SPON1: variants seen among roughly 807,000 people sequenced by gnomAD.
The protein encoded by SPON1 is spondin-1.
A neutral mutation model predicts 111.7 loss-of-function variants in SPON1; 52 were observed. The ratio of observed to expected loss-of-function variants is 0.47; its 90% CI spans 0.37 to 0.59. SPON1 has a LOEUF of 0.59. Among genes scored for constraint, SPON1 ranks in the 20% least tolerant of loss-of-function variants. SPON1 has a pLI of 0.00. For synonymous variants in SPON1, 410 were observed against 395.8 expected (o/e 1.04, Z -0.43); for missense variants, 957 against 1,068.5 (o/e 0.90, Z 1.46).
At chr11:13,965,465 A>T (rs1848009088) in intron 1 of SPON1, among the ~76,000 whole-genome samples, 1 of 152,156 alleles carries the variant, frequency 6.6e-6, no homozygotes, top group Non-Finnish European at 1.5e-5. Flanking sequence ...ACGGGGCCAA[A>T]GAGGTTTCAG....
chr11:13,996,365 G>A (rs1167082085), intron 2 of SPON1, among the ~76,000 whole-genome samples: 1 of 152,198 alleles, frequency 6.6e-6, no homozygotes, highest in African/African-American at 2.4e-5. Flanking sequence ...TCATTTGTAA[G>A]AAGCACAAGA....
chr11:14,024,809 C>T (rs908280468), intron 2 of SPON1, among the ~76,000 whole-genome samples: 3 of 152,244 alleles, frequency 2.0e-5, no homozygotes, highest in Non-Finnish European at 4.4e-5. Flanking sequence ...TGCCCTACTT[C>T]CGCATCACTG....
chr11:14,190,768 G>C (rs1044578766), intron 6 of SPON1, among the ~76,000 whole-genome samples: 1 of 151,264 alleles, frequency 6.6e-6, no homozygotes, highest in African/African-American at 2.4e-5. Context: ...AGTGCCCCGA[G>C]TAGCTAGGAT....
At chr11:14,056,760 G>A (rs544716838) in intron 3 of SPON1, among the ~76,000 whole-genome samples, 31 of 152,132 alleles carry the variant, frequency 2.0e-4, no homozygotes, top group Non-Finnish European at 3.4e-4. Flanking sequence ...GCGTGGTGGC[G>A]GGCATCTGTA....
At chr11:14,262,485 G>A in intron 14 of SPON1, 4 of 592,530 alleles carry the variant, frequency 6.8e-6, no homozygotes, top group Non-Finnish European at 1.2e-5. Flanking sequence ...CATAGAGGGA[G>A]CATAGAATGG....
chr11:14,097,888 A>T (rs912436233), intron 5 of SPON1, among the ~76,000 whole-genome samples: 10 of 151,882 alleles, frequency 6.6e-5, no homozygotes, highest in Non-Finnish European at 1.0e-4. Context: ...GTGGTCTCCC[A>T]CTTGTTCACT....
At chr11:14,062,097 T>C (rs1162130093) in intron 3 of SPON1, among the ~76,000 whole-genome samples, 1 of 150,318 alleles carries the variant, frequency 6.7e-6, no homozygotes, top group Admixed American at 6.6e-5. Flanking sequence ...TCTAGACAAT[T>C]GTCCATTGCT....
At position 14,224,464 on chromosome 11, in the gene SPON1, G is replaced by A. The variant is rs534018645; in HGVS notation, c.826-18868G>A. Among the ~76,000 whole-genome samples the A allele has an allele frequency of 9.2e-5, 14 of 152,244 alleles. No homozygotes were observed. The South Asian group carries it at 2.1e-3, about 23-fold the overall frequency. Reference sequence around the variant, plus strand: ...AAAAAAAACAAAAGCTATGTGGTTCGGGAAACTGCAAGTAGAATATCTTTG... The same window carrying A: ...AAAAAAAACAAAAGCTATGTGGTTCAGGAAACTGCAAGTAGAATATCTTTG... On this transcript the variant is annotated intron_variant, in intron 6 of 15. Coordinates refer to ENST00000576479, the MANE Select transcript of SPON1 (RefSeq NM_006108.4).
chr11:14,244,354 C>T (rs1848963932), intron 7 of SPON1, among the ~76,000 whole-genome samples: 1 of 152,040 alleles, frequency 6.6e-6, no homozygotes, highest in Non-Finnish European at 1.5e-5. Context: ...TCAGTCTCTA[C>T]TAAAAATACA....
intron 6 of SPON1, among the ~76,000 whole-genome samples, chr11:14,139,933 C>T (rs1298623038): frequency 6.6e-6 from 1 of 152,022 alleles, no homozygotes; most frequent in Non-Finnish European, 1.5e-5. Context: ...ACTTATTGTG[C>T]TTAGAACTAA....
intron 1 of SPON1, among the ~76,000 whole-genome samples, chr11:13,982,317 CCATGACTTCCACTGG>C (rs1848150808): frequency 6.6e-6 from 1 of 152,232 alleles, no homozygotes; most frequent in South Asian, 2.1e-4. Flanking sequence ...TCATGTCTGT[CCATGACTTCCACTGG>C]CAGAACTTGG....
At chr11:14,154,122 G>C (rs1847815459) in intron 6 of SPON1, among the ~76,000 whole-genome samples, 1 of 152,150 alleles carries the variant, frequency 6.6e-6, no homozygotes, top group Non-Finnish European at 1.5e-5. Flanking sequence ...GGCACATGGT[G>C]CAAGCTGTTG....
At chr11:14,084,740 G>A (rs1317259865) in intron 5 of SPON1, among the ~76,000 whole-genome samples, 5 of 152,156 alleles carry the variant, frequency 3.3e-5, no homozygotes, top group Non-Finnish European at 5.9e-5. Flanking sequence ...TTCCACAATG[G>A]TTGAACTAAT....
intron 6 of SPON1, among the ~76,000 whole-genome samples, chr11:14,213,607 C>A (rs1554936918): frequency 2.6e-5 from 4 of 152,128 alleles, no homozygotes; most frequent in Admixed American, 2.6e-4. Context: ...AAAGCACTTT[C>A]TATGTACAAA....
At chr11:14,143,834 A>G (rs1359326812) in intron 6 of SPON1, among the ~76,000 whole-genome samples, 1 of 152,206 alleles carries the variant, frequency 6.6e-6, no homozygotes, top group African/African-American at 2.4e-5. Flanking sequence ...TGGTTTAGCA[A>G]TTGAGGTGGG....
intron 2 of SPON1, among the ~76,000 whole-genome samples, chr11:14,024,226 T>G (rs1848501324): frequency 6.6e-6 from 1 of 152,138 alleles, no homozygotes; most frequent in Non-Finnish European, 1.5e-5. Context: ...CCAGTGGGTG[T>G]GTGTTACAGT....
chr11:13,968,925 A>G (rs1848040696), intron 1 of SPON1, among the ~76,000 whole-genome samples: 1 of 152,232 alleles, frequency 6.6e-6, no homozygotes, highest in Non-Finnish European at 1.5e-5. Context: ...TTTATTTTTC[A>G]AAAAGATGAA....
intron 7 of SPON1, among the ~76,000 whole-genome samples, chr11:14,248,181 A>G (rs1402471170): frequency 2.6e-5 from 4 of 152,160 alleles, no homozygotes; most frequent in African/African-American, 7.2e-5. Context: ...ATCGACAGGA[A>G]GGTCATCAGT....
rs1274574403 is a variant in SPON1 at position 14,254,395 on chromosome 11, C to T, written c.891-133C>T. 5.1e-5 allele frequency: 41 copies of T among 804,274 alleles called. No homozygotes were observed. The East Asian group carries it at 1.0e-3, about 20-fold the overall frequency. 49.8% of individuals were successfully genotyped at this position (804,274 alleles called of 1,614,324 possible). On this transcript the variant is annotated intron_variant, in intron 7 of 15. Coordinates refer to ENST00000576479, the MANE Select transcript of SPON1 (RefSeq NM_006108.4). ...GGTATAAACCCACAGTGGCCAAAGG[C>T]AGAATTCAGTGGGAGACCACGAATG... is the stretch of plus-strand genomic sequence containing the variant.
Sources: gnomAD v4.1 joint callset for allele counts (sites outside exome capture counted in the v4.1 genomes callset) on GRCh38, gnomAD v4.1.1 for gene constraint, MANE v1.5 for transcripts, NCBI Gene and HGNC (gene_info 2026-07-23, HGNC 2026-07-21) for gene names.